AADACL4: variants seen among roughly 807,000 people sequenced by gnomAD.
AADACL4 encodes the protein arylacetamide deacetylase-like 4.
In AADACL4, 9 loss-of-function variants were observed where a neutral mutation model predicts 14.1. The ratio of observed to expected loss-of-function variants is 0.64; its 90% confidence interval spans 0.39 to 1.12. The LOEUF (loss-of-function observed/expected upper bound fraction) is 1.12, where lower values mean the gene tolerates loss of function less well. AADACL4 is among the 50% of genes most tolerant of loss of function. The probability of loss-of-function intolerance (pLI) is 0.01; values close to 1 mark genes in which losing one functional copy is unlikely to be tolerated. For synonymous variants in AADACL4, 188 were observed against 201.6 expected (o/e 0.93, Z 0.57); for missense variants, 531 against 516.1 (o/e 1.03, Z -0.28).
In AADACL4 at chr1:12,644,425, TGTCAGGCTTAGCCCAGAGA is replaced by T; in HGVS notation, c.-120_-102del. 8.9e-7 allele frequency: 1 copy of T among 1,123,100 alleles called. No individual in the cohort carries two copies. The highest frequency in any genetic ancestry group is 1.3e-6 in the Non-Finnish European group (1 of 792,560). 69.6% of individuals were successfully genotyped at this position (1,123,100 alleles called of 1,614,324 possible). A position where few individuals can be genotyped will look rare whatever the true frequency, so the allele number is the denominator to read the frequency against. Reference sequence around the variant, plus strand: ...AGCTGTGTCAGGCCACTGTGTCAGGTGTCAGGCTTAGCCCAGAGAGAGTGAGGTGGAGGAGGCGGAGGGT... The same window carrying T: ...AGCTGTGTCAGGCCACTGTGTCAGGTGAGTGAGGTGGAGGAGGCGGAGGGT... On this transcript the variant is annotated 5_prime_UTR_variant, in exon 1 of 4. Transcript: ENST00000376221.
chr1:12,653,571 C>G (rs952547203), intron 2 of AADACL4, among the ~76,000 whole-genome samples: 2 of 152,158 alleles, frequency 1.3e-5, no homozygotes, highest in African/African-American at 4.8e-5. Context: ...CCGCACAAAC[C>G]CTTCTGAGTG....
intron 2 of AADACL4, 56 bp from the exon 3 acceptor site, chr1:12,661,735 T>G (rs1570433567): frequency 3.9e-6 from 6 of 1,541,704 alleles, no homozygotes; most frequent in Non-Finnish European, 5.4e-6. Flanking sequence ...GGGGCTGTGG[T>G]GAGATGGTTT....
chr1:12,648,118 G>A lies in AADACL4; in HGVS notation c.169-3005G>A, dbSNP rs11804489. Among the ~76,000 whole-genome samples the A allele has an allele frequency of 2.7e-3, 411 of 151,926 alleles. 4 individuals carry two copies. Among genetic ancestry groups the A allele is most frequent in the African/African-American group, 9.1e-3 (377 of 41,454 alleles). On this transcript the variant is annotated intron_variant, in intron 1 of 3. Transcript: ENST00000376221. Reference sequence around the variant, plus strand: ...CCCGAGTAGCTGGGACTACAGGTGCGTGCCACCACGCCTGGCTAATTTTTT... The same window carrying A: ...CCCGAGTAGCTGGGACTACAGGTGCATGCCACCACGCCTGGCTAATTTTTT...
At position 12,648,388 on chromosome 1, in the gene AADACL4, C is replaced by CCTTCCTTT. The variant is rs1487579652; in HGVS notation, c.169-2732_169-2731insCCTTTCTT. Among the ~76,000 whole-genome samples the CCTTCCTTT allele has an allele frequency of 1.7e-3, 256 of 146,838 alleles. 3 individuals carry two copies. The highest frequency in any genetic ancestry group is 6.4e-3 in the African/African-American group (246 of 38,522). On this transcript the variant is annotated intron_variant, in intron 1 of 3. Coordinates refer to ENST00000376221, the MANE Select transcript of AADACL4 (RefSeq NM_001013630.2). ...TCCTTCCTTCCTTCCTTCCTTCCTT[C>CCTTCCTTT]CTTTCTTTCCTTCTTTCCTTTTTTT...
At chr1:12,657,901 G>A (rs1263927038) in intron 2 of AADACL4, among the ~76,000 whole-genome samples, 1 of 152,106 alleles carries the variant, frequency 6.6e-6, no homozygotes, top group Admixed American at 6.5e-5. Context: ...GCTTTTCAGG[G>A]TTTTATCAGT....
intron 2 of AADACL4, among the ~76,000 whole-genome samples, chr1:12,659,081 A>C (rs1647206782): frequency 6.6e-6 from 1 of 152,242 alleles, no homozygotes; most frequent in Non-Finnish European, 1.5e-5. Flanking sequence ...ACGCATGGAC[A>C]CATACGAGAA....
intron 2 of AADACL4, among the ~76,000 whole-genome samples, chr1:12,658,315 G>A (rs891693442): frequency 6.6e-6 from 1 of 150,698 alleles, no homozygotes; most frequent in African/African-American, 2.5e-5. Flanking sequence ...CTGGAGCACA[G>A]TTGCACAATC....
chr1:12,655,829 A>G (rs776271966), intron 2 of AADACL4, among the ~76,000 whole-genome samples: 3 of 151,866 alleles, frequency 2.0e-5, no homozygotes, highest in Admixed American at 6.6e-5. Context: ...AATTTCTGTA[A>G]TTTTCTCCTG....
chr1:12,644,386 T>C lies in AADACL4; in HGVS notation c.-161T>C, dbSNP rs1156534683. 6.6e-6 allele frequency among the ~76,000 whole-genome samples: 1 copy of C among 152,184 alleles called. No individual in the cohort carries two copies. The highest frequency in any genetic ancestry group is 1.9e-4 in the East Asian group (1 of 5,186). ...CCTCCACCTCCCATTGGCCTTTTTG[T>C]GCTTACCCTGAGAAGCTGTGTCAGG... On this transcript the variant is annotated 5_prime_UTR_variant, in exon 1 of 4. Coordinates refer to ENST00000376221, the MANE Select transcript of AADACL4 (RefSeq NM_001013630.2).
At chr1:12,658,371 G>T (rs1647200315) in intron 2 of AADACL4, among the ~76,000 whole-genome samples, 1 of 151,818 alleles carries the variant, frequency 6.6e-6, no homozygotes, top group African/African-American at 2.4e-5. Context: ...CGAGTATCGT[G>T]CCTCAGCCTC....
At chr1:12,646,035 A>T (rs763303863) in intron 1 of AADACL4, among the ~76,000 whole-genome samples, 12 of 152,184 alleles carry the variant, frequency 7.9e-5, no homozygotes, top group Non-Finnish European at 1.6e-4. Flanking sequence ...CCAGAGTTGC[A>T]GTGGATTTGG....
In AADACL4 at chr1:12,666,166, G is replaced by A; in HGVS notation, c.655G>A (p.Val219Ile). Residue 219 changes from valine to isoleucine, a missense_variant, in exon 4 of 4, where the codon GTT becomes ATT. Coordinates refer to ENST00000376221, the MANE Select transcript of AADACL4 (RefSeq NM_001013630.2). ...AGATCTTCCCCGGATCCGGGCTCAG[G>A]TTCTGATTTATCCAGTTGTCCAGGC... is the stretch of plus-strand genomic sequence containing the variant. Reference protein sequence around the residue: ...RSDLPRIRAQVLIYPVVQAFC... With the variant: ...RSDLPRIRAQILIYPVVQAFC... The A allele has an allele frequency of 6.2e-7, 1 of 1,614,240 alleles. No homozygotes were observed. The highest frequency in any genetic ancestry group is 8.5e-7 in the Non-Finnish European group (1 of 1,180,052).
chr1:12,661,664 C>T, intron 2 of AADACL4, 127 bp from the exon 3 acceptor site: 2 of 971,580 alleles, frequency 2.1e-6, no homozygotes. Context: ...GCAGAGGAGG[C>T]AAGGATAGAA....
rs139703608 is a variant in AADACL4 at position 12,651,409 on chromosome 1, C to T, written c.385+70C>T. 3.1e-3 allele frequency: 4,623 copies of T among 1,475,622 alleles called. 22 individuals carry two copies. The highest frequency in any genetic ancestry group is 0.013 in the Middle Eastern group (59 of 4,424). 91.4% of individuals were successfully genotyped at this position (1,475,622 alleles called of 1,614,324 possible). The stretch of plus-strand genomic sequence containing the variant: ...CATGCATAGCCTAGCTCATGCCTCC[C>T]GCAAGAACCCTTCTACAGTAGCTTA... On this transcript the variant is annotated intron_variant, in intron 2 of 3. Coordinates refer to ENST00000376221, the MANE Select transcript of AADACL4 (RefSeq NM_001013630.2).
rs1291722059 is a variant in AADACL4, at chr1:12,666,778, T to G, written c.*43T>G. The G allele has an allele frequency of 6.5e-7, 1 of 1,528,460 alleles. No individual in the cohort carries two copies. Among genetic ancestry groups the G allele is most frequent in the Non-Finnish European group, 8.7e-7 (1 of 1,143,898 alleles). The allele number at this position is 1,528,460 out of a possible 1,614,324, so 94.7% of individuals were successfully genotyped here. A position where few individuals can be genotyped will look rare whatever the true frequency, so the allele number is the denominator to read the frequency against. On this transcript the variant is annotated 3_prime_UTR_variant, in exon 4 of 4. Transcript: ENST00000376221. ...CGAGGAGGAAGGGGCAAGTATGGAC[T>G]CTACCAGAAACCGGGTGCTTTAGTG... is the stretch of plus-strand genomic sequence containing the variant.
intron 2 of AADACL4, 142 bp downstream of exon 2, chr1:12,651,481 A>G (rs930600481): frequency 1.4e-5 from 12 of 859,358 alleles, no homozygotes; most frequent in Middle Eastern, 3.6e-4. Flanking sequence ...AGCCCAGACT[A>G]AGGGCTTTGG....
chr1:12,665,860 A>T, intron 3 of AADACL4, 101 bp from the exon 4 acceptor site: 1 of 1,249,348 alleles, frequency 8.0e-7, no homozygotes, highest in Non-Finnish European at 1.1e-6. Context: ...CTGAGGATTT[A>T]ATCAGATATA....
At chr1:12,653,020 G>A (rs927512734) in intron 2 of AADACL4, among the ~76,000 whole-genome samples, 4 of 152,038 alleles carry the variant, frequency 2.6e-5, no homozygotes, top group African/African-American at 9.7e-5. Context: ...TTTTCCCTCA[G>A]AGATTTCCAT....
At chr1:12,644,870 C>T (rs1647099945) in intron 1 of AADACL4, among the ~76,000 whole-genome samples, 156 bp downstream of exon 1, 1 of 151,870 alleles carries the variant, frequency 6.6e-6, no homozygotes, top group Admixed American at 6.6e-5. Flanking sequence ...TTCTGTTTGC[C>T]TCTCTCTTCC....
Sources: allele counts gnomAD v4.1 joint callset (sites outside exome capture counted in the v4.1 genomes callset), GRCh38; gene constraint gnomAD v4.1.1; transcripts MANE v1.5; gene names NCBI Gene and HGNC (gene_info 2026-07-23, HGNC 2026-07-21).